The following LRP1B variants were observed in gnomAD, a reference collection of about 807,000 sequenced individuals.
LRP1B encodes LDL receptor related protein 1B.
In LRP1B, 217 loss-of-function variants were observed where a neutral mutation model predicts 556.6. The ratio of observed to expected loss-of-function variants is 0.39; its 90% CI spans 0.35 to 0.44. The LOEUF (loss-of-function observed/expected upper bound fraction) is 0.44, where lower values mean the gene tolerates loss of function less well. Among genes scored for constraint, LRP1B ranks in the 20% least tolerant of loss-of-function variants. The pLI is 1.00. For missense variants in LRP1B, 5,053 were observed against 5,620.8 expected, an observed-to-expected ratio of 0.90 and a Z score of 3.23; for synonymous variants, 2,047 against 1,865.8, an observed-to-expected ratio of 1.10 and a Z score of -2.50.
chr2:140,586,220 A>G (rs1204766060), intron 43 of LRP1B, among the ~76,000 whole-genome samples: 3 of 152,338 alleles, frequency 2.0e-5, no homozygotes, highest in Non-Finnish European at 2.9e-5. Context: ...CCAGCTGGGT[A>G]TCTTGGGACC....
At chr2:140,797,519 C>T (rs952786913) in intron 32 of LRP1B, among the ~76,000 whole-genome samples, 5 of 151,666 alleles carry the variant, frequency 3.3e-5, no homozygotes, top group Admixed American at 6.6e-5. Context: ...ATAATAGTAA[C>T]GTTGGGTATA....
rs1417861886 is a variant in LRP1B at position 141,519,404 on chromosome 2, A to T, written c.206-38871T>A. On this transcript the variant is annotated intron_variant, in intron 2 of 90. Coordinates refer to ENST00000389484, the MANE Select transcript of LRP1B (RefSeq NM_018557.3). ...ATATATATATATATATATATATATG[A>T]AATGCAATATTTATTGAATTTAGTT... Among the ~76,000 whole-genome samples the T allele has an allele frequency of 3.7e-3, 35 of 9,386 alleles. 1 individual carries two copies. Among genetic ancestry groups the T allele is most frequent in the African/African-American group, 0.012 (29 of 2,506 alleles). The allele number at this position is 9,386 out of a possible 152,430, so 6.2% of individuals were successfully genotyped here.
intron 3 of LRP1B, among the ~76,000 whole-genome samples, chr2:141,471,504 A>G (rs11677045): frequency 0.27 from 41,685 of 151,936 alleles, 6,253 homozygotes; most frequent in South Asian, 0.42. Flanking sequence ...GCCTCTGTAT[A>G]TGTAGTTCCC....
In LRP1B at chr2:141,987,122, A is replaced by C. The variant is rs531876722; in HGVS notation, c.82+143526T>G. 1.3e-3 allele frequency among the ~76,000 whole-genome samples: 193 copies of C among 149,326 alleles called. 2 individuals are homozygous for C. In the Admixed American group the frequency reaches 0.013, roughly 10 times the overall value. ...CATCTTTACCTTTATCTCCAGCATG[A>C]AACATCTATTAGAGCTGAAAGATAA... On this transcript the variant is annotated intron_variant, in intron 1 of 90. Transcript: ENST00000389484.
chr2:142,037,640 A>G (rs961880738), intron 1 of LRP1B, among the ~76,000 whole-genome samples: 4 of 151,762 alleles, frequency 2.6e-5, no homozygotes, highest in African/African-American at 9.6e-5. Context: ...TCTGAGTGCA[A>G]ACATCTGATT....
intron 35 of LRP1B, among the ~76,000 whole-genome samples, chr2:140,764,918 G>C (rs1305450461): frequency 6.6e-6 from 1 of 152,130 alleles, no homozygotes; most frequent in Non-Finnish European, 1.5e-5. Context: ...CTATGTGATG[G>C]TGTAAAAAAA....
chr2:142,031,906 G>C (rs562190563), intron 1 of LRP1B, among the ~76,000 whole-genome samples: 1 of 151,908 alleles, frequency 6.6e-6, no homozygotes, highest in South Asian at 2.1e-4. Context: ...GTGAGGAAAA[G>C]AAACAGACAC....
chr2:141,991,011 C>T (rs1702328584), intron 1 of LRP1B, among the ~76,000 whole-genome samples: 1 of 152,042 alleles, frequency 6.6e-6, no homozygotes, highest in Non-Finnish European at 1.5e-5. Flanking sequence ...ACCCGTTTTT[C>T]ATTTTGCACT....
chr2:140,926,740 T>C (rs1694898054), intron 20 of LRP1B, among the ~76,000 whole-genome samples: 1 of 152,188 alleles, frequency 6.6e-6, no homozygotes, highest in Non-Finnish European at 1.5e-5. Context: ...AGGGGATTTA[T>C]AAAAGCTCAG....
intron 2 of LRP1B, among the ~76,000 whole-genome samples, chr2:141,757,935 C>T (rs1694382474): frequency 6.6e-6 from 1 of 152,014 alleles, no homozygotes; most frequent in African/African-American, 2.4e-5. Flanking sequence ...GCAGAAATAA[C>T]AATGGTGAAT....
At chr2:141,765,821 A>G (rs1215659195) in intron 2 of LRP1B, among the ~76,000 whole-genome samples, 1 of 152,172 alleles carries the variant, frequency 6.6e-6, no homozygotes, top group East Asian at 1.9e-4. Flanking sequence ...CAGCAATAGC[A>G]TCTCCTCAGA....
intron 11 of LRP1B, among the ~76,000 whole-genome samples, chr2:141,025,304 T>C (rs1427458855): frequency 6.6e-6 from 1 of 152,154 alleles, no homozygotes; most frequent in East Asian, 1.9e-4. Context: ...ATTTCTGGAT[T>C]CCAAGCTATT....
At position 140,444,463 on chromosome 2, in the gene LRP1B, G is replaced by GGA. The variant is rs749802189; in HGVS notation, c.10175-16_10175-15dup. ...AGACATGTGTGTCTAGAACATAGAA[G>GGA]GAGAGAGAGAGAGAAAATTTGTGTC... On this transcript the variant is annotated splice_polypyrimidine_tract_variant and intron_variant, in intron 64 of 90. Transcript: ENST00000389484. 4 of 1,612,584 alleles carry GGA rather than the reference G, an allele frequency of 2.5e-6. No homozygotes were observed. Among genetic ancestry groups the GGA allele is most frequent in the Admixed American group, 1.7e-5 (1 of 59,906 alleles).
At chr2:141,504,783 A>T (rs543680949) in intron 2 of LRP1B, among the ~76,000 whole-genome samples, 1 of 152,282 alleles carries the variant, frequency 6.6e-6, no homozygotes, top group East Asian at 1.9e-4. Flanking sequence ...CTAAATTAAA[A>T]TTCATATTAA....
intron 2 of LRP1B, among the ~76,000 whole-genome samples, chr2:141,491,822 A>T (rs1683345242): frequency 6.6e-6 from 1 of 152,078 alleles, no homozygotes; most frequent in Non-Finnish European, 1.5e-5. Flanking sequence ...CACTCTTAAG[A>T]GGCATTTGTT....
At chr2:141,047,067 TAA>T (rs1318533182) in intron 11 of LRP1B, among the ~76,000 whole-genome samples, 13 of 11,196 alleles carry the variant, frequency 1.2e-3, no homozygotes, top group Non-Finnish European at 3.5e-3. Context: ...ATAATAATAA[TAA>T]TAATAATAAT....
chr2:141,480,332 T>A, intron 3 of LRP1B, 64 bp downstream of exon 3: 1 of 1,572,596 alleles, frequency 6.4e-7, no homozygotes, highest in African/African-American at 1.4e-5. Context: ...ATAGGTTTTC[T>A]TTGAACTTTC....
At chr2:141,030,717 T>C (rs1245219640) in intron 11 of LRP1B, among the ~76,000 whole-genome samples, 2 of 152,116 alleles carry the variant, frequency 1.3e-5, no homozygotes, top group Non-Finnish European at 2.9e-5. Context: ...ACAATATATT[T>C]CTTCAAGTTA....
chr2:142,097,155 A>T (rs1449489065), intron 1 of LRP1B, among the ~76,000 whole-genome samples: 1 of 151,698 alleles, frequency 6.6e-6, no homozygotes, highest in African/African-American at 2.4e-5. Flanking sequence ...ATTAGAATGT[A>T]AGCACTTTGA....
Sources: allele counts gnomAD v4.1 joint callset (sites outside exome capture counted in the v4.1 genomes callset), GRCh38; gene constraint gnomAD v4.1.1; transcripts MANE v1.5; gene names NCBI Gene and HGNC (gene_info 2026-07-23, HGNC 2026-07-21).